The following RANBP2 variants were observed in gnomAD, a reference collection of about 807,000 sequenced individuals.
The protein encoded by RANBP2 is E3 SUMO-protein ligase RanBP2.
A neutral mutation model predicts 303.6 loss-of-function variants in RANBP2; 57 were observed. The ratio of observed to expected loss-of-function variants is 0.19; its 90% CI spans 0.15 to 0.23. The LOEUF (loss-of-function observed/expected upper bound fraction) is 0.23. Ranked by LOEUF, RANBP2 falls within the 10% of genes least tolerant of loss-of-function variation. The probability of loss-of-function intolerance (pLI) is 1.00; values close to 1 mark genes in which losing one functional copy is unlikely to be tolerated. For synonymous variants in RANBP2, 1,167 were observed against 1,301.5 expected (o/e 0.90, Z 2.23); for missense variants, 3,138 against 3,780.8 (o/e 0.83, Z 4.46).
the RANBP2 span, among the ~76,000 whole-genome samples, chr2:109,735,057 A>T: frequency 6.2e-4 from 94 of 152,296 alleles, 1 homozygote; most frequent in Non-Finnish European, 9.4e-4. Flanking sequence ...ACAATAAATT[A>T]TTGTTAACTA....
chr2:109,526,620 C>T, the RANBP2 span, among the ~76,000 whole-genome samples: 5 of 152,170 alleles, frequency 3.3e-5, no homozygotes, highest in East Asian at 1.9e-4. Context: ...CTCACCTCCT[C>T]TTTGAATGAC....
At chr2:109,652,195 C>T in the RANBP2 span, among the ~76,000 whole-genome samples, 2 of 151,978 alleles carry the variant, frequency 1.3e-5, no homozygotes, top group Non-Finnish European at 2.9e-5. Context: ...TGCTGCGCCA[C>T]TATCCATGGA....
chr2:109,362,513 G>A, the RANBP2 span, among the ~76,000 whole-genome samples: 10 of 152,152 alleles, frequency 6.6e-5, no homozygotes, highest in African/African-American at 2.4e-4. Flanking sequence ...TGTTCCCTGT[G>A]GGCTTGAAAA....
chr2:109,682,394 A>G, the RANBP2 span, among the ~76,000 whole-genome samples: 1 of 152,210 alleles, frequency 6.6e-6, no homozygotes, highest in Non-Finnish European at 1.5e-5. Flanking sequence ...TGTATTTGCT[A>G]GATGGGGCTG....
At chr2:109,112,787 A>G in the RANBP2 span, among the ~76,000 whole-genome samples, 2 of 152,186 alleles carry the variant, frequency 1.3e-5, no homozygotes, top group Non-Finnish European at 2.9e-5. Flanking sequence ...TAAGTCTTTA[A>G]TCCATCTTGA....
chr2:108,765,665 C>A lies in RANBP2; in HGVS notation c.5126C>A (p.Thr1709Lys). 6.2e-7 allele frequency: 1 copy of A among 1,606,774 alleles called. No individual in the cohort carries two copies. The highest frequency in any genetic ancestry group is 8.5e-7 in the Non-Finnish European group (1 of 1,177,844). The change falls in exon 20 of 29, where the codon ACA becomes AAA. Residue 1709 changes from threonine to lysine, a missense_variant. By Grantham distance (78) the Thr-to-Lys change is moderately conservative (BLOSUM62 -1). Around this residue, in one of 20 missense-constraint regions of RANBP2, gnomAD observed 51 missense variants for 112.1 expected, o/e 0.45. Coordinates refer to ENST00000283195, the MANE Select transcript of RANBP2 (RefSeq NM_006267.5). ...SAVSTPASSE[T>K]SKAPKSGFEG... ...GTTTCAACACCTGCCTCTTCAGAGA[C>A]AAGCAAGGCTCCAAAGAGCGGATTT...
At chr2:109,596,929 A>G in the RANBP2 span, among the ~76,000 whole-genome samples, 1 of 152,142 alleles carries the variant, frequency 6.6e-6, no homozygotes, top group African/African-American at 2.4e-5. Context: ...GATTTTCTTA[A>G]TTTTTTTAAA....
the RANBP2 span, among the ~76,000 whole-genome samples, chr2:108,988,100 G>T: frequency 1.3e-5 from 2 of 152,192 alleles, no homozygotes; most frequent in Non-Finnish European, 2.9e-5. Context: ...CCTCACATGC[G>T]TGTACCCCTG....
the RANBP2 span, among the ~76,000 whole-genome samples, chr2:109,632,830 C>A: frequency 4.1e-5 from 6 of 147,158 alleles, no homozygotes; most frequent in South Asian, 2.2e-4. Flanking sequence ...AAAAAAAAAA[C>A]AAAACAAAAC....
At chr2:109,616,307 T>C in the RANBP2 span, 2 of 407,470 alleles carry the variant, frequency 4.9e-6, no homozygotes, top group Non-Finnish European at 8.3e-6. Context: ...TGCCCTGGAG[T>C]CCGTTTCTGG....
the RANBP2 span, chr2:109,613,183 G>C: frequency 7.8e-7 from 1 of 1,288,472 alleles, no homozygotes; most frequent in African/African-American, 1.5e-5. Context: ...ACCACACTTG[G>C]AAAACCGCTG....
At chr2:109,541,199 A>G in the RANBP2 span, among the ~76,000 whole-genome samples, 1 of 152,170 alleles carries the variant, frequency 6.6e-6, no homozygotes, top group Non-Finnish European at 1.5e-5. Context: ...ACTCTTAACC[A>G]CTTCCCAGTT....
At chr2:109,251,961 T>C in the RANBP2 span, among the ~76,000 whole-genome samples, 1 of 152,126 alleles carries the variant, frequency 6.6e-6, no homozygotes, top group Non-Finnish European at 1.5e-5. Context: ...ATAAAACTTT[T>C]ACTGAACACA....
At chr2:109,436,815 C>T in the RANBP2 span, 13 of 1,530,522 alleles carry the variant, frequency 8.5e-6, no homozygotes, top group Middle Eastern at 1.7e-4. Flanking sequence ...CAGGTCAGAG[C>T]GAGGCTCTGC....
chr2:109,002,172 G>A, the RANBP2 span, among the ~76,000 whole-genome samples: 6 of 152,332 alleles, frequency 3.9e-5, no homozygotes, highest in South Asian at 2.1e-4. Context: ...GCCTCCAGGC[G>A]ATGCTTCCAA....
the RANBP2 span, among the ~76,000 whole-genome samples, chr2:109,695,086 A>C: frequency 6.6e-6 from 1 of 152,072 alleles, no homozygotes; most frequent in African/African-American, 2.4e-5. Context: ...GCCCACTCAG[A>C]GAGTTTTAAA....
At chr2:109,078,059 A>C in the RANBP2 span, among the ~76,000 whole-genome samples, 1 of 111,532 alleles carries the variant, frequency 9.0e-6, no homozygotes, top group Non-Finnish European at 1.8e-5. Context: ...AAACAACCTA[A>C]CTGTCCATTG....
the RANBP2 span, chr2:109,615,611 T>TG: frequency 5.6e-6 from 9 of 1,613,306 alleles, no homozygotes; most frequent in Non-Finnish European, 6.8e-6. Context: ...GGGACTACAG[T>TG]GGGAAAAAGG....
the RANBP2 span, among the ~76,000 whole-genome samples, chr2:108,960,741 T>G: frequency 4.6e-5 from 7 of 152,262 alleles, no homozygotes; most frequent in African/African-American, 1.7e-4. Flanking sequence ...TTGATATATT[T>G]CCTTTTACTA....
Sources: gnomAD v4.1 joint callset for allele counts (sites outside exome capture counted in the v4.1 genomes callset) on GRCh38, gnomAD v4.1.1 for gene constraint, gnomAD v4.1.1 regional missense constraint, MANE v1.5 for transcripts, NCBI Gene and HGNC (gene_info 2026-07-23, HGNC 2026-07-21) for gene names.